MACF1: variants seen among roughly 807,000 people sequenced by gnomAD.
MACF1 encodes the protein microtubule-actin cross-linking factor 1.
Under a neutral mutation model 854.8 loss-of-function variants are expected in MACF1, and 193 were observed. The ratio of observed to expected loss-of-function variants is 0.23; its 90% CI spans 0.20 to 0.25. The LOEUF is 0.25. MACF1 is among the 10% of genes least tolerant of loss of function. The pLI, the probability that MACF1 is intolerant of heterozygous loss-of-function variation, is 1.00. For missense variants in MACF1, 7,722 were observed against 8,929.1 expected, an observed-to-expected ratio of 0.86 and a Z score of 5.45; for synonymous variants, 3,185 against 3,226.7, an observed-to-expected ratio of 0.99 and a Z score of 0.44.
chr1:39,364,045 T>G (rs552207229), intron 49 of MACF1, among the ~76,000 whole-genome samples: 6 of 152,338 alleles, frequency 3.9e-5, no homozygotes, highest in Non-Finnish European at 8.8e-5. Context: ...GTGGAGTTGT[T>G]GCATTAAAGG....
chr1:39,085,243 T>C (rs1016815178), intron 2 of MACF1, among the ~76,000 whole-genome samples: 2 of 152,230 alleles, frequency 1.3e-5, no homozygotes, highest in African/African-American at 4.8e-5. Context: ...GAAGGTTAGA[T>C]GAAATAATGT....
At chr1:39,097,187 G>A (rs1185280887) in intron 2 of MACF1, among the ~76,000 whole-genome samples, 2 of 151,888 alleles carry the variant, frequency 1.3e-5, no homozygotes, top group African/African-American at 2.4e-5. Context: ...TCTTCATGAG[G>A]GATTCTAACA....
At position 39,123,719 on chromosome 1, in the gene MACF1, T is replaced by A. The variant is rs1185880977; in HGVS notation, c.220+39281T>A. On this transcript the variant is annotated intron_variant, in intron 2 of 93. Transcript: ENST00000361689. Reference sequence around the variant, plus strand: ...CATGCCCGGCTAATTCTTGTTTTGTTTTTTTTTTTTTTTTTTTTGTCCGAG... The same window carrying A: ...CATGCCCGGCTAATTCTTGTTTTGTATTTTTTTTTTTTTTTTTTGTCCGAG... Among the ~76,000 whole-genome samples the A allele has an allele frequency of 1.9e-3, 249 of 133,578 alleles. 2 individuals carry two copies. Among genetic ancestry groups the A allele is most frequent in the Non-Finnish European group, 3.5e-3 (215 of 61,982 alleles). 87.6% of individuals were successfully genotyped at this position (133,578 alleles called of 152,430 possible).
chr1:39,424,233 T>C, intron 61 of MACF1, 39 bp downstream of exon 61: 9 of 1,567,616 alleles, frequency 5.7e-6, no homozygotes, highest in Non-Finnish European at 7.8e-6. Context: ...GTCAGAGGTT[T>C]GTTTTGTTCT....
chr1:39,114,328 C>T (rs1242812473), intron 2 of MACF1, among the ~76,000 whole-genome samples: 1 of 152,136 alleles, frequency 6.6e-6, no homozygotes, highest in African/African-American at 2.4e-5. Context: ...AAGTCCATGA[C>T]TCTAAAAATA....
At chr1:39,349,950 C>T (rs556805040) in intron 42 of MACF1, among the ~76,000 whole-genome samples, 9 of 152,254 alleles carry the variant, frequency 5.9e-5, no homozygotes, top group African/African-American at 1.9e-4. Context: ...TTCATTCCTT[C>T]GACAAATATT....
In MACF1 at chr1:39,337,272, C is replaced by T; in HGVS notation, c.10156C>T (p.Gln3386Ter). 2 of 1,614,110 alleles carry T rather than the reference C, an allele frequency of 1.2e-6. No homozygotes were observed. Among genetic ancestry groups the T allele is most frequent in the Non-Finnish European group, 1.7e-6 (2 of 1,179,998 alleles). Residue 3386 changes from glutamine to a stop codon, truncating the protein, a stop_gained, in exon 38 of 101, where the codon CAG becomes TAG. Transcript: ENST00000564288. LOFTEE classifies it high-confidence loss of function. ...ACGGAACATTGAAATGAGGACCAAA[C>T]AGATTCAACCTTTGGAGCTAAACCT... ...LLRNIEMRTK[Q>*]IQPLELNLAE... is the part of the protein sequence containing the mutation.
At chr1:39,459,008 T>A (rs944479376) in intron 90 of MACF1, 78 bp from the exon 91 acceptor site, 2 of 1,245,180 alleles carry the variant, frequency 1.6e-6, no homozygotes, top group Non-Finnish European at 2.3e-6. Flanking sequence ...TATAAAGATC[T>A]TCTAGGTTTA....
At chr1:39,093,787 G>A (rs1302586442) in intron 2 of MACF1, among the ~76,000 whole-genome samples, 1 of 142,332 alleles carries the variant, frequency 7.0e-6, no homozygotes, top group South Asian at 2.3e-4. Context: ...CCCGGCCAAG[G>A]GATTCTTTTC....
chr1:39,335,869 C>T lies in MACF1; in HGVS notation c.9281C>T (p.Ala3094Val), dbSNP rs746711263. 15 of 1,614,040 alleles carry T rather than the reference C, an allele frequency of 9.3e-6. No individual in the cohort carries two copies. The Admixed American group carries it at 2.5e-4, about 27-fold the overall frequency. Reference sequence around the variant, plus strand: ...GAAGAAAACTTATCTCGAGAAATTGCCTGTGGGGCCCAGAGTGAACCATTC... The same window carrying T: ...GAAGAAAACTTATCTCGAGAAATTGTCTGTGGGGCCCAGAGTGAACCATTC... ...KPEENLSREI[A>V]CGAQSEPFPC... The change falls in exon 37 of 101, where the codon GCC becomes GTC. Residue 3094 changes from alanine to valine, a missense_variant. By Grantham distance (64) the Ala-to-Val change is moderately conservative (BLOSUM62 0). Around this residue, in one of 15 missense-constraint regions of MACF1, gnomAD observed 854 missense variants for 852.6 expected, o/e 1.00. Coordinates refer to ENST00000564288, the MANE Select transcript of MACF1 (RefSeq NM_001394062.1).
In MACF1 at chr1:39,453,560, C is replaced by T. The variant is rs535065951; in HGVS notation, c.20743-147C>T. The T allele has an allele frequency of 5.8e-5, 38 of 656,946 alleles. No individual in the cohort carries two copies. The Admixed American group carries it at 7.6e-4, about 13-fold the overall frequency. The allele number at this position is 656,946 out of a possible 1,614,324, so 40.7% of individuals were successfully genotyped here. On this transcript the variant is annotated intron_variant, in intron 87 of 100. Transcript: ENST00000564288. ...TCCCACATCTTTTAGAATGAAAATG[C>T]CATAAATAACTATACAGGCTTTTAG...
Position 39,347,138 on chromosome 1 carries a change from G to A in MACF1, c.10743G>A (p.Leu3581=). The A allele has an allele frequency of 1.2e-6, 2 of 1,614,144 alleles. No homozygotes were observed. The highest frequency in any genetic ancestry group is 1.7e-6 in the Non-Finnish European group (2 of 1,180,036). The change falls in exon 41 of 101, where the codon TTG becomes TTA. Residue 3581 remains leucine (L), a synonymous_variant. Transcript: ENST00000564288. ...TGCAGAGGTCCTTCCAGGACATTTT[G>A]GAACAGACTGCCGCTCAGGTGGATG... The part of the protein sequence containing the change: ...NELQRSFQDI[L]EQTAAQVDAL...
intron 61 of MACF1, 91 bp downstream of exon 61, chr1:39,424,285 T>C (rs1397984113): frequency 3.5e-6 from 4 of 1,145,958 alleles, no homozygotes; most frequent in East Asian, 2.5e-5. Flanking sequence ...ATGATTCATA[T>C]AGATTTTTGG....
In MACF1 at chr1:39,331,662, T is replaced by C. The variant is rs898375321; in HGVS notation, c.5074T>C (p.Tyr1692His). The C allele has an allele frequency of 6.2e-7, 1 of 1,614,018 alleles. No individual in the cohort carries two copies. The highest frequency in any genetic ancestry group is 1.3e-5 in the African/African-American group (1 of 74,900). ...ATGGCTTCATTCAGTATTAGAGTCTTATCTTAGAACATCCAAGAATTTGAT... is the reference window on the plus strand; with the variant it reads ...ATGGCTTCATTCAGTATTAGAGTCTCATCTTAGAACATCCAAGAATTTGAT... ...SAWLHSVLES[Y>H]LRTSKNLIDP... Residue 1692 changes from tyrosine to histidine, a missense_variant, in exon 37 of 101, where the codon TAT (tyrosine) becomes CAT (histidine). By Grantham distance (83) the Tyr-to-His change is moderately conservative. This residue lies in a region of MACF1 where 1,531 missense variants were observed against 1,601.6 expected (regional missense o/e 0.96). Transcript: ENST00000564288.
intron 1 of MACF1, among the ~76,000 whole-genome samples, chr1:39,227,036 G>A (rs187136180): frequency 1.3e-5 from 2 of 152,284 alleles, no homozygotes; most frequent in Non-Finnish European, 2.9e-5. Flanking sequence ...CAGCACACAA[G>A]TGATACTGGC....
In MACF1 at chr1:39,311,152, C is replaced by T. The variant is rs1646291723; in HGVS notation, c.3270+152C>T. The T allele has an allele frequency of 6.2e-6, 5 of 803,444 alleles. No homozygotes were observed. In the South Asian group the frequency reaches 1.1e-4, roughly 18 times the overall value. 49.8% of individuals were successfully genotyped at this position (803,444 alleles called of 1,614,324 possible). On this transcript the variant is annotated intron_variant, in intron 26 of 100. Coordinates refer to ENST00000564288, the MANE Select transcript of MACF1 (RefSeq NM_001394062.1). ...CTTGCAGTCTATAAATGTCTTTTACCCGTGGAGAAGTGTGATTTCAGCTCC... is the reference window on the plus strand; with the variant it reads ...CTTGCAGTCTATAAATGTCTTTTACTCGTGGAGAAGTGTGATTTCAGCTCC...
intron 69 of MACF1, among the ~76,000 whole-genome samples, chr1:39,435,119 T>C (rs1254671090): frequency 6.6e-6 from 1 of 152,250 alleles, no homozygotes; most frequent in Non-Finnish European, 1.5e-5. Context: ...TAGTCAGCAG[T>C]AAAGTCAAGG....
intron 2 of MACF1, among the ~76,000 whole-genome samples, chr1:39,195,661 A>G (rs1644310083): frequency 6.6e-6 from 1 of 152,190 alleles, no homozygotes; most frequent in South Asian, 2.1e-4. Context: ...TAGAAATAGG[A>G]GTTTAATATC....
At chr1:39,211,556 C>T (rs1341279991) in intron 1 of MACF1, among the ~76,000 whole-genome samples, 1 of 151,982 alleles carries the variant, frequency 6.6e-6, no homozygotes, top group Non-Finnish European at 1.5e-5. Flanking sequence ...CTTGAGCCAC[C>T]GGCACCCGGC....
Sources: gnomAD v4.1 joint callset for allele counts (sites outside exome capture counted in the v4.1 genomes callset) on GRCh38, gnomAD v4.1.1 for gene constraint, gnomAD v4.1.1 regional missense constraint, MANE v1.5 for transcripts, NCBI Gene and HGNC (gene_info 2026-07-23, HGNC 2026-07-21) for gene names.